The following TOMM7 variants were observed in gnomAD, a reference collection of about 807,000 sequenced individuals.
The protein encoded by TOMM7 is mitochondrial import receptor subunit TOM7 homolog.
A neutral mutation model predicts 9.5 loss-of-function variants in TOMM7; 8 were observed. That is an observed-to-expected ratio of 0.84 (90% CI 0.49 to 1.51). TOMM7 has a LOEUF of 1.51. TOMM7 is among the 40% of genes most tolerant of loss of function. The pLI is 0.00. For missense variants in TOMM7, 74 were observed against 63.7 expected (o/e 1.16, Z -0.55); for synonymous variants, 27 against 21.4 (o/e 1.26, Z -0.72).
Position 22,813,159 on chromosome 7 carries a change from C to T in TOMM7, c.*11G>A. ...CTGATTGCCTCCAAATCCAGAAGACCAAATAATCCTTTATCCCCAAAGTAG... is the reference window on the plus strand; with the variant it reads ...CTGATTGCCTCCAAATCCAGAAGACTAAATAATCCTTTATCCCCAAAGTAG... On this transcript the variant is annotated 3_prime_UTR_variant, in exon 3 of 3. Transcript: ENST00000358435. The T allele has an allele frequency of 1.2e-6, 2 of 1,613,556 alleles. No individual in the cohort carries two copies. The highest frequency in any genetic ancestry group is 1.7e-6 in the Non-Finnish European group (2 of 1,179,700).
At chr7:22,820,301 G>GA (rs1348917835) in intron 1 of TOMM7, among the ~76,000 whole-genome samples, 4 of 152,228 alleles carry the variant, frequency 2.6e-5, no homozygotes, top group African/African-American at 9.6e-5. Flanking sequence ...ATGTTGGGGT[G>GA]AAAATCACCG....
chr7:22,822,560 G>A (rs1011887913), intron 1 of TOMM7, 117 bp downstream of exon 1: 2 of 904,992 alleles, frequency 2.2e-6, no homozygotes, highest in African/African-American at 3.3e-5. Flanking sequence ...CAGCCTCAGG[G>A]GCCGTGCACG....
At chr7:22,816,578 A>G (rs889820226) in intron 2 of TOMM7, among the ~76,000 whole-genome samples, 2 of 152,262 alleles carry the variant, frequency 1.3e-5, no homozygotes, top group African/African-American at 4.8e-5. Flanking sequence ...TGAAGAAGGT[A>G]GTGTGTGAAG....
intron 1 of TOMM7, chr7:22,822,467 G>C (rs1782406795): frequency 5.7e-6 from 4 of 707,864 alleles, no homozygotes; most frequent in Admixed American, 2.9e-5. Flanking sequence ...AGGAGGGATT[G>C]CAAGACTGCT....
At chr7:22,817,724 G>A (rs954498798) in intron 2 of TOMM7, 5 of 326,546 alleles carry the variant, frequency 1.5e-5, no homozygotes, top group Admixed American at 4.6e-5. Flanking sequence ...AGGATAAGAC[G>A]GGAATATGAG....
chr7:22,820,844 C>T (rs1210332035), intron 1 of TOMM7, among the ~76,000 whole-genome samples: 3 of 152,130 alleles, frequency 2.0e-5, no homozygotes, highest in Non-Finnish European at 4.4e-5. Flanking sequence ...GGGAGAAAAA[C>T]GTCTTTTTAA....
chr7:22,821,865 T>C (rs1782396620), intron 1 of TOMM7, among the ~76,000 whole-genome samples: 1 of 152,018 alleles, frequency 6.6e-6, no homozygotes, highest in Admixed American at 6.6e-5. Context: ...CCGAGCCTGT[T>C]GGCACCAGCC....
rs536437442 is a variant in TOMM7, at chr7:22,820,471, A to C, written c.103+2206T>G. On this transcript the variant is annotated intron_variant, in intron 1 of 2. Transcript: ENST00000358435. ...TCTAGCAATAGAAACGGAATCTCAA[A>C]ACAGGGAGGAGGAGGGAACAGTAGA... Among the ~76,000 whole-genome samples, 17 of 152,368 alleles carry C rather than the reference A, an allele frequency of 1.1e-4. No homozygotes were observed. The South Asian group carries it at 3.5e-3, about 32-fold the overall frequency.
At chr7:22,820,798 A>T (rs774070214) in intron 1 of TOMM7, among the ~76,000 whole-genome samples, 4 of 152,150 alleles carry the variant, frequency 2.6e-5, no homozygotes, top group Admixed American at 6.5e-5. Context: ...AAATCTAGAA[A>T]AGTAATGTTT....
At chr7:22,822,022 C>A in intron 1 of TOMM7, 2 of 1,138,992 alleles carry the variant, frequency 1.8e-6, no homozygotes, top group East Asian at 2.7e-5. Context: ...CAAAAAAACC[C>A]CAAATCCTTT....
chr7:22,816,220 T>C (rs910048751), intron 2 of TOMM7, among the ~76,000 whole-genome samples: 6 of 152,226 alleles, frequency 3.9e-5, no homozygotes, highest in African/African-American at 1.4e-4. Context: ...TAGGTAGGTA[T>C]TATTATCCCC....
intron 1 of TOMM7, among the ~76,000 whole-genome samples, chr7:22,821,771 CAGAAA>C (rs761906660): frequency 1.5e-4 from 23 of 151,904 alleles, no homozygotes; most frequent in Non-Finnish European, 2.6e-4. Context: ...AAAAAAAAGA[CAGAAA>C]AGAAAAGAAA....
chr7:22,821,490 G>A (rs1782390507), intron 1 of TOMM7, among the ~76,000 whole-genome samples: 1 of 152,010 alleles, frequency 6.6e-6, no homozygotes, highest in Admixed American at 6.6e-5. Flanking sequence ...TTGGGAGGCC[G>A]CGCGCGGGGC....
intron 1 of TOMM7, among the ~76,000 whole-genome samples, chr7:22,821,760 A>G (rs113366425): frequency 1.3e-4 from 20 of 151,144 alleles, no homozygotes; most frequent in Middle Eastern, 3.4e-3. Context: ...GGAAAAAAGG[A>G]AAAAAAAAGA....
chr7:22,816,291 T>C lies in TOMM7; in HGVS notation c.152+1709A>G, dbSNP rs111322103. Among the ~76,000 whole-genome samples, 1,117 of 152,316 alleles carry C rather than the reference T, an allele frequency of 7.3e-3. 16 individuals carry two copies. The highest frequency in any genetic ancestry group is 0.026 in the African/African-American group (1,063 of 41,550). On this transcript the variant is annotated intron_variant, in intron 2 of 2. Coordinates refer to ENST00000358435, the MANE Select transcript of TOMM7 (RefSeq NM_019059.5). ...TTAATGGCTTCTTGGAGGAAGGTAT[T>C]TGATGATAATTTCCAATACTTGGAA...
intron 1 of TOMM7, among the ~76,000 whole-genome samples, chr7:22,819,745 A>C (rs919751041): frequency 1.3e-5 from 2 of 152,192 alleles, no homozygotes; most frequent in African/African-American, 4.8e-5. Flanking sequence ...CTATTTTCCA[A>C]GGCTCTTCTA....
chr7:22,813,567 G>A (rs1430689341), intron 2 of TOMM7, among the ~76,000 whole-genome samples: 1 of 151,994 alleles, frequency 6.6e-6, no homozygotes, highest in Non-Finnish European at 1.5e-5. Context: ...TGGTTTCTGT[G>A]CATTAGACAC....
intron 1 of TOMM7, chr7:22,818,419 AG>A (rs1782344220): frequency 1.2e-5 from 2 of 163,842 alleles, no homozygotes; most frequent in African/African-American, 4.8e-5. Flanking sequence ...CTAAGATTAC[AG>A]GCACGTGCTG....
chr7:22,822,773 T>G lies in TOMM7; in HGVS notation c.7A>C (p.Lys3Gln). The G allele has an allele frequency of 6.2e-7, 1 of 1,614,056 alleles. No homozygotes were observed. Among genetic ancestry groups the G allele is most frequent in the South Asian group, 1.1e-5 (1 of 91,072 alleles). Residue 3 changes from lysine (K) to glutamine (Q), a missense_variant, in exon 1 of 3, where the codon AAG becomes CAG. Coordinates refer to ENST00000358435, the MANE Select transcript of TOMM7 (RefSeq NM_019059.5). The part of the protein sequence containing the change: MV[K>Q]LSKEAKQRLQ... ...CTCTGCTTGGCCTCTTTGCTCAGCT[T>G]CACCATGGCGACGGCCGTGTGGCGC...
Sources: allele counts gnomAD v4.1 joint callset (sites outside exome capture counted in the v4.1 genomes callset), GRCh38; gene constraint gnomAD v4.1.1; transcripts MANE v1.5; gene names NCBI Gene and HGNC (gene_info 2026-07-23, HGNC 2026-07-21).